Variants in HGD observed in about 807,000 individuals in gnomAD.
HGD encodes homogentisate 1,2-dioxygenase.
A neutral mutation model predicts 60.8 loss-of-function variants in HGD; 61 were observed. The observed-to-expected ratio is 1.00, with a 90% confidence interval of 0.82 to 1.24. The LOEUF (loss-of-function observed/expected upper bound fraction) is 1.24. Ranked by LOEUF, HGD falls within the 50% of genes most tolerant of loss-of-function variation. The pLI is 0.00. For synonymous variants in HGD, 212 were observed against 187.7 expected, an observed-to-expected ratio of 1.13 and a Z score of -1.06; for missense variants, 542 against 547.1, an observed-to-expected ratio of 0.99 and a Z score of 0.09.
intron 6 of HGD, 52 bp from the exon 7 acceptor site, chr3:120,647,963 C>A: frequency 7.4e-7 from 1 of 1,356,464 alleles, no homozygotes; most frequent in East Asian, 2.3e-5. Context: ...ATTGTCTAGA[C>A]AAATTACGTC....
At chr3:120,632,676 C>T (rs1166035961) in intron 13 of HGD, among the ~76,000 whole-genome samples, 3 of 152,156 alleles carry the variant, frequency 2.0e-5, no homozygotes, top group Admixed American at 6.5e-5. Flanking sequence ...TACTTCAAAA[C>T]GCAGAAGACT....
rs569469388 is a variant in HGD, at chr3:120,667,804, T to C, written c.282+2623A>G. Among the ~76,000 whole-genome samples the C allele has an allele frequency of 2.0e-5, 3 of 152,332 alleles. No homozygotes were observed. The South Asian group carries it at 6.2e-4, about 32-fold the overall frequency. ...AATAATAAATAATTATTTTTCATTA[T>C]AAATAAACAATAATTTAAATTATCC... On this transcript the variant is annotated intron_variant, in intron 4 of 13. Coordinates refer to ENST00000283871, the MANE Select transcript of HGD (RefSeq NM_000187.4).
chr3:120,648,305 T>A (rs1282466125), intron 6 of HGD, among the ~76,000 whole-genome samples: 1 of 152,184 alleles, frequency 6.6e-6, no homozygotes, highest in Non-Finnish European at 1.5e-5. Flanking sequence ...GAACAGCAAG[T>A]GCAAGTGCTT....
chr3:120,636,116 CAAAA>C (rs34434001), intron 12 of HGD, among the ~76,000 whole-genome samples: 1 of 113,230 alleles, frequency 8.8e-6, no homozygotes, highest in African/African-American at 3.3e-5. Context: ...ACTAACAATA[CAAAA>C]AAAAAAAAAA....
chr3:120,671,227 A>G (rs1380924906), intron 3 of HGD, among the ~76,000 whole-genome samples: 2 of 152,172 alleles, frequency 1.3e-5, no homozygotes, highest in African/African-American at 4.8e-5. Flanking sequence ...CTTTATTATC[A>G]TACTAACAAC....
intron 13 of HGD, 54 bp downstream of exon 13, chr3:120,633,093 C>T (rs1244538205): frequency 2.0e-6 from 3 of 1,535,646 alleles, no homozygotes. Flanking sequence ...CCACCCCTCT[C>T]AGTAAGGGTG....
intron 6 of HGD, among the ~76,000 whole-genome samples, chr3:120,649,877 G>A (rs1941285105): frequency 6.6e-6 from 1 of 152,272 alleles, no homozygotes; most frequent in African/African-American, 2.4e-5. Flanking sequence ...AAACGACTCG[G>A]TGGTGAAACA....
rs1302367654 is a variant in HGD at position 120,638,510 on chromosome 3, G to T, written c.951C>A (p.Ile317=). The T allele has an allele frequency of 1.2e-6, 2 of 1,614,004 alleles. No homozygotes were observed. The highest frequency in any genetic ancestry group is 1.7e-5 in the Admixed American group (1 of 60,010). The change falls in exon 12 of 14, where the codon ATC becomes ATA. Residue 317 remains isoleucine (I), a synonymous_variant. Transcript: ENST00000283871. ...RPGVAIADFV[I]FPPRWGVADK... is the part of the protein sequence containing the mutation. ...CAGCAACCCCCCATCGAGGTGGGAAGATGACAAAATCAGCAATGGCCACTC... is the reference window on the plus strand; with the variant it reads ...CAGCAACCCCCCATCGAGGTGGGAATATGACAAAATCAGCAATGGCCACTC...
At position 120,647,875 on chromosome 3, in the gene HGD, A is replaced by G. The variant is rs745333667; in HGVS notation, c.469+2T>C. The G allele has an allele frequency of 2.2e-5, 35 of 1,610,816 alleles. No homozygotes were observed. The highest frequency in any genetic ancestry group is 2.9e-5 in the Non-Finnish European group (34 of 1,176,994). ...AGGGGGTCTGAAGTCTTCAGAACTC[A>G]CCAATCAAGAAGTCCCCATCTGAAT... On this transcript the variant is annotated splice_donor_variant, in intron 7 of 13. Coordinates refer to ENST00000283871, the MANE Select transcript of HGD (RefSeq NM_000187.4). LOFTEE classifies it high-confidence loss of function.
intron 4 of HGD, among the ~76,000 whole-genome samples, chr3:120,661,012 C>A (rs1170458719): frequency 6.6e-6 from 1 of 152,166 alleles, no homozygotes; most frequent in Non-Finnish European, 1.5e-5. Context: ...ATTCTCACAA[C>A]AACTCTCTGA....
At chr3:120,640,092 C>A (rs1940919343) in intron 11 of HGD, among the ~76,000 whole-genome samples, 1 of 145,796 alleles carries the variant, frequency 6.9e-6, no homozygotes, top group Non-Finnish European at 1.5e-5. Flanking sequence ...TGAGGTAGGT[C>A]TTCAAGAATG....
At chr3:120,658,645 G>A (rs867591539) in intron 4 of HGD, among the ~76,000 whole-genome samples, 6 of 152,188 alleles carry the variant, frequency 3.9e-5, no homozygotes, top group Admixed American at 6.5e-5. Flanking sequence ...ATGCCCCAGC[G>A]GGGACTCTGT....
chr3:120,680,614 T>G (rs1206502882), intron 1 of HGD, among the ~76,000 whole-genome samples: 1 of 152,222 alleles, frequency 6.6e-6, no homozygotes, highest in African/African-American at 2.4e-5. Context: ...ATCTACTCTT[T>G]CTTCCAAGAC....
At position 120,642,284 on chromosome 3, in the gene HGD, T is replaced by C. The variant is rs576562203; in HGVS notation, c.775-591A>G. Reference sequence around the variant, plus strand: ...AGGAAGGTGGTCCCTTCTGTATCTATGGGTCCGAAAGTGCTAAAGATTTTA... The same window carrying C: ...AGGAAGGTGGTCCCTTCTGTATCTACGGGTCCGAAAGTGCTAAAGATTTTA... On this transcript the variant is annotated intron_variant, in intron 10 of 13. Coordinates refer to ENST00000283871, the MANE Select transcript of HGD (RefSeq NM_000187.4). Among the ~76,000 whole-genome samples the C allele has an allele frequency of 2.0e-5, 3 of 152,304 alleles. No individual in the cohort carries two copies. In the East Asian group the frequency reaches 5.8e-4, roughly 29 times the overall value.
intron 10 of HGD, among the ~76,000 whole-genome samples, chr3:120,643,276 A>G (rs899285668): frequency 3.3e-5 from 5 of 152,186 alleles, no homozygotes; most frequent in Non-Finnish European, 7.4e-5. Flanking sequence ...GGTGTGCACC[A>G]CCACATCTGG....
In HGD at chr3:120,628,241, A is replaced by G. The variant is rs1576280949; in HGVS notation, c.*139T>C. The G allele has an allele frequency of 5.2e-6, 5 of 960,102 alleles. No homozygotes were observed. In the East Asian group the frequency reaches 9.6e-5, roughly 18 times the overall value. The allele number at this position is 960,102 out of a possible 1,614,324, so 59.5% of individuals were successfully genotyped here. A position where few individuals can be genotyped will look rare whatever the true frequency, so the allele number is the denominator to read the frequency against. ...CATAGAACTTTGCAAATGCGTTTCCATAAAAGTTCTGAGTTACTTGACTAT... is the reference window on the plus strand; with the variant it reads ...CATAGAACTTTGCAAATGCGTTTCCGTAAAAGTTCTGAGTTACTTGACTAT... On this transcript the variant is annotated 3_prime_UTR_variant, in exon 14 of 14. Transcript: ENST00000283871.
intron 4 of HGD, among the ~76,000 whole-genome samples, chr3:120,660,805 CA>C (rs1376932226): frequency 2.6e-5 from 4 of 151,824 alleles, no homozygotes; most frequent in Non-Finnish European, 2.9e-5. Context: ...AGCCTGTACT[CA>C]AAAAACAAAA....
intron 1 of HGD, 73 bp downstream of exon 1, chr3:120,682,024 C>T (rs1708238415): frequency 2.9e-6 from 4 of 1,398,884 alleles, no homozygotes; most frequent in Non-Finnish European, 4.1e-6. Context: ...AACTCTGATA[C>T]CCTGAAGTTC....
Position 120,628,184 on chromosome 3 carries a change from C to T in HGD, c.*196G>A. ...ACCAATCACTACGTCCACAGAACACCAGCAAGTTTATTGAGTAATTAAGGT... is the reference window on the plus strand; with the variant it reads ...ACCAATCACTACGTCCACAGAACACTAGCAAGTTTATTGAGTAATTAAGGT... On this transcript the variant is annotated 3_prime_UTR_variant, in exon 14 of 14. Coordinates refer to ENST00000283871, the MANE Select transcript of HGD (RefSeq NM_000187.4). 1.6e-6 allele frequency: 1 copy of T among 620,180 alleles called. No homozygotes were observed. The highest frequency in any genetic ancestry group is 2.9e-5 in the East Asian group (1 of 34,498). 38.4% of individuals were successfully genotyped at this position (620,180 alleles called of 1,614,324 possible). A position where few individuals can be genotyped will look rare whatever the true frequency, so the allele number is the denominator to read the frequency against.
Sources: allele counts gnomAD v4.1 joint callset (sites outside exome capture counted in the v4.1 genomes callset), GRCh38; gene constraint gnomAD v4.1.1; transcripts MANE v1.5; gene names NCBI Gene and HGNC (gene_info 2026-07-23, HGNC 2026-07-21).